Variants in IGSF21 observed in about 807,000 individuals in gnomAD.
The protein encoded by IGSF21 is immunoglobin superfamily member 21.
IGSF21 carries 28 observed loss-of-function variants against 46.8 expected under a neutral mutation model. The ratio of observed to expected loss-of-function variants is 0.60; its 90% CI spans 0.44 to 0.82. The LOEUF is 0.82. IGSF21 is among the 40% of genes least tolerant of loss of function. The pLI is 0.00. For synonymous variants in IGSF21, 284 were observed against 273.6 expected (o/e 1.04, Z -0.38); for missense variants, 624 against 665.5 (o/e 0.94, Z 0.69).
At chr1:18,267,812 A>C (rs1440214001) in intron 2 of IGSF21, among the ~76,000 whole-genome samples, 2 of 152,178 alleles carry the variant, frequency 1.3e-5, no homozygotes, top group Non-Finnish European at 2.9e-5. Context: ...CTGCAGGCCA[A>C]CTCTGGGCCA....
intron 4 of IGSF21, among the ~76,000 whole-genome samples, chr1:18,342,210 C>T (rs965146860): frequency 8.5e-5 from 13 of 152,234 alleles, no homozygotes; most frequent in African/African-American, 3.1e-4. Flanking sequence ...TCTCCTGCCT[C>T]AGCCTCCCAA....
chr1:18,355,066 T>C (rs1315865014), intron 4 of IGSF21, among the ~76,000 whole-genome samples: 1 of 152,178 alleles, frequency 6.6e-6, no homozygotes, highest in Non-Finnish European at 1.5e-5. Flanking sequence ...TTGCCCAAAG[T>C]TCTATGGGAT....
At chr1:18,278,657 A>G (rs2085128407) in intron 2 of IGSF21, among the ~76,000 whole-genome samples, 1 of 151,854 alleles carries the variant, frequency 6.6e-6, no homozygotes, top group Admixed American at 6.6e-5. Flanking sequence ...GGGCTCAGGA[A>G]ATCCTTCCAC....
intron 2 of IGSF21, among the ~76,000 whole-genome samples, chr1:18,284,087 AC>A (rs2085189155): frequency 6.6e-6 from 1 of 152,144 alleles, no homozygotes; most frequent in Non-Finnish European, 1.5e-5. Flanking sequence ...TGCTTTGTTT[AC>A]AGCCATACTC....
intron 5 of IGSF21, 148 bp downstream of exon 5, chr1:18,362,378 G>A (rs774555934): frequency 2.1e-5 from 13 of 623,810 alleles, no homozygotes; most frequent in African/African-American, 3.7e-5. Context: ...GTCTGATCCC[G>A]TTTACCCATT....
At chr1:18,165,647 T>C (rs2086671225) in intron 1 of IGSF21, among the ~76,000 whole-genome samples, 1 of 152,200 alleles carries the variant, frequency 6.6e-6, no homozygotes, top group African/African-American at 2.4e-5. Flanking sequence ...GTAACTTCTC[T>C]TAGAGGCAAA....
At chr1:18,231,568 A>G (rs1207582546) in intron 2 of IGSF21, among the ~76,000 whole-genome samples, 1 of 152,226 alleles carries the variant, frequency 6.6e-6, no homozygotes, top group Non-Finnish European at 1.5e-5. Flanking sequence ...TGGGTTGTCC[A>G]ATATGGTAGC....
chr1:18,254,903 C>T (rs546400290), intron 2 of IGSF21, among the ~76,000 whole-genome samples: 1 of 152,238 alleles, frequency 6.6e-6, no homozygotes, highest in African/African-American at 2.4e-5. Context: ...TCCATTCATC[C>T]AGCACTTATT....
chr1:18,136,399 A>G (rs1464063843), intron 1 of IGSF21, among the ~76,000 whole-genome samples: 1 of 152,216 alleles, frequency 6.6e-6, no homozygotes, highest in East Asian at 1.9e-4. Flanking sequence ...TAGGTCTGAC[A>G]TGTAAGTCTT....
intron 1 of IGSF21, among the ~76,000 whole-genome samples, chr1:18,145,450 T>G (rs1340721325): frequency 9.2e-5 from 14 of 152,064 alleles, no homozygotes; most frequent in Non-Finnish European, 1.5e-5. Context: ...CTCTCCCCAG[T>G]GCCCGAGAGC....
In IGSF21 at chr1:18,225,953, C is replaced by T. The variant is rs548604273; in HGVS notation, c.71-1945C>T. 5.3e-5 allele frequency among the ~76,000 whole-genome samples: 8 copies of T among 152,330 alleles called. No individual in the cohort carries two copies. In the East Asian group the frequency reaches 1.5e-3, roughly 29 times the overall value. On this transcript the variant is annotated intron_variant, in intron 1 of 9. Coordinates refer to ENST00000251296, the MANE Select transcript of IGSF21 (RefSeq NM_032880.5). ...GCAGGGGACTTCACCTCTTGGTTCA[C>T]TCACAGAAAGTGGGAATCATAATAG...
chr1:18,234,994 C>T (rs1012976649), intron 2 of IGSF21, among the ~76,000 whole-genome samples: 1 of 152,214 alleles, frequency 6.6e-6, no homozygotes, highest in African/African-American at 2.4e-5. Context: ...CATTGCAGCC[C>T]TGATCCTTGA....
At position 18,377,388 on chromosome 1, in the gene IGSF21, A is replaced by G; in HGVS notation, c.1295-5A>G. ...TTTGGTTCTCTTTCTGTTTCTTTCC[A>G]ACAGAAAACCCAAATATCCCAAGAG... On this transcript the variant is annotated splice_region_variant and splice_polypyrimidine_tract_variant and intron_variant, in intron 8 of 9. Coordinates refer to ENST00000251296, the MANE Select transcript of IGSF21 (RefSeq NM_032880.5). 4 of 1,613,200 alleles carry G rather than the reference A, an allele frequency of 2.5e-6. No homozygotes were observed. The highest frequency in any genetic ancestry group is 3.4e-6 in the Non-Finnish European group (4 of 1,179,174).
chr1:18,312,316 A>G (rs2085497268), intron 3 of IGSF21, among the ~76,000 whole-genome samples: 1 of 152,220 alleles, frequency 6.6e-6, no homozygotes, highest in African/African-American at 2.4e-5. Context: ...ATTCACTGAG[A>G]TAGGTCGTGC....
chr1:18,317,259 A>T (rs888407094), intron 3 of IGSF21, among the ~76,000 whole-genome samples: 1 of 152,062 alleles, frequency 6.6e-6, no homozygotes, highest in African/African-American at 2.4e-5. Context: ...AAAAAAACAC[A>T]TTTCATCTTT....
chr1:18,208,451 G>A (rs951407551), intron 1 of IGSF21, among the ~76,000 whole-genome samples: 2 of 138,678 alleles, frequency 1.4e-5, no homozygotes, highest in South Asian at 2.4e-4. Context: ...GCGCAATCTC[G>A]GCTCACTGCA....
intron 1 of IGSF21, among the ~76,000 whole-genome samples, chr1:18,222,901 G>C (rs2084524834): frequency 6.6e-6 from 1 of 152,160 alleles, no homozygotes; most frequent in Non-Finnish European, 1.5e-5. Flanking sequence ...GTGTGTGTCT[G>C]TGTCTCAGAG....
At chr1:18,177,762 C>T (rs1267444341) in intron 1 of IGSF21, among the ~76,000 whole-genome samples, 2 of 152,050 alleles carry the variant, frequency 1.3e-5, no homozygotes, top group South Asian at 4.1e-4. Context: ...GTGATTGGAT[C>T]GAGGAGGTGG....
At chr1:18,350,360 C>T (rs1159551303) in intron 4 of IGSF21, among the ~76,000 whole-genome samples, 1 of 152,138 alleles carries the variant, frequency 6.6e-6, no homozygotes, top group Non-Finnish European at 1.5e-5. Flanking sequence ...AGGGCAAGGC[C>T]AAGGGAAGAG....
Sources: gnomAD v4.1 joint callset for allele counts (sites outside exome capture counted in the v4.1 genomes callset) on GRCh38, gnomAD v4.1.1 for gene constraint, MANE v1.5 for transcripts, NCBI Gene and HGNC (gene_info 2026-07-23, HGNC 2026-07-21) for gene names.